Variants in MOB2 observed in about 807,000 individuals in gnomAD.
The protein encoded by MOB2 is MOB kinase activator 2.
A neutral mutation model predicts 27.4 loss-of-function variants in MOB2; 14 were observed. The observed-to-expected ratio is 0.51, with a 90% confidence interval of 0.34 to 0.80. The LOEUF is 0.80. MOB2 is among the 30% of genes least tolerant of loss of function. The probability of loss-of-function intolerance (pLI) is 0.01; values close to 1 mark genes in which losing one functional copy is unlikely to be tolerated. For synonymous variants in MOB2, 167 were observed against 151.8 expected (o/e 1.10, Z -0.74); for missense variants, 304 against 354.6 (o/e 0.86, Z 1.15).
rs148177178 is a variant in MOB2, at chr11:1,473,710, C to G, written c.366-2291G>C. Among the ~76,000 whole-genome samples the G allele has an allele frequency of 3.5e-4, 53 of 152,364 alleles. No individual in the cohort carries two copies. The East Asian group carries it at 9.8e-3, about 28-fold the overall frequency. On this transcript the variant is annotated intron_variant, in intron 3 of 4. Coordinates refer to ENST00000329957, the MANE Select transcript of MOB2 (RefSeq NM_001172223.3). ...TCTGAAAGATGGAACACCACTGTTT[C>G]CTGTACTTCTTCAATTATCAGTAAA...
intron 3 of MOB2, among the ~76,000 whole-genome samples, chr11:1,479,478 G>C (rs1334514281): frequency 6.6e-6 from 1 of 152,198 alleles, no homozygotes; most frequent in Non-Finnish European, 1.5e-5. Flanking sequence ...TACCTGCCCC[G>C]GTGTCACCCA....
intron 3 of MOB2, among the ~76,000 whole-genome samples, chr11:1,476,958 A>C (rs1346877351): frequency 6.6e-6 from 1 of 152,062 alleles, no homozygotes; most frequent in East Asian, 1.9e-4. Flanking sequence ...TATGGTTTTG[A>C]TTTTTTAAAA....
intron 3 of MOB2, among the ~76,000 whole-genome samples, chr11:1,477,294 T>C (rs1006362414): frequency 1.1e-4 from 17 of 152,210 alleles, no homozygotes; most frequent in Admixed American, 9.2e-4. Flanking sequence ...AACCTTCTTA[T>C]TCCTGGTCAC....
At chr11:1,485,457 G>C (rs991069771) in intron 1 of MOB2, among the ~76,000 whole-genome samples, 3 of 152,230 alleles carry the variant, frequency 2.0e-5, no homozygotes, top group Non-Finnish European at 2.9e-5. Flanking sequence ...CGGCACTCTT[G>C]TGTCTACTTG....
intron 1 of MOB2, among the ~76,000 whole-genome samples, chr11:1,481,784 C>T (rs1394458562): frequency 6.6e-6 from 1 of 150,952 alleles, no homozygotes; most frequent in African/African-American, 2.5e-5. Context: ...GGGCAGGGCC[C>T]CTGGGCCCTG....
At chr11:1,485,935 C>T (rs1847965203) in intron 1 of MOB2, among the ~76,000 whole-genome samples, 1 of 152,276 alleles carries the variant, frequency 6.6e-6, no homozygotes, top group Admixed American at 6.5e-5. Context: ...CACCCGGGAA[C>T]CCCATGCCAC....
In MOB2 at chr11:1,480,705, GC is replaced by G; in HGVS notation, c.271+19del. 10 of 1,595,026 alleles carry G rather than the reference GC, an allele frequency of 6.3e-6. No individual in the cohort carries two copies. The highest frequency in any genetic ancestry group is 1.1e-5 in the South Asian group (1 of 88,610). ...GGAGCAGGGAGGAGGGAGGGGGCCC[GC>G]CCCCAGGCCCCCGCGCACTGTTGCT... On this transcript the variant is annotated intron_variant, in intron 2 of 4. Transcript: ENST00000329957.
At chr11:1,479,011 C>G (rs1446819404) in intron 3 of MOB2, among the ~76,000 whole-genome samples, 1 of 152,260 alleles carries the variant, frequency 6.6e-6, no homozygotes, top group East Asian at 1.9e-4. Flanking sequence ...TCACACACAT[C>G]TACTACCACC....
At position 1,480,178 on chromosome 11, in the gene MOB2, C is replaced by A. The variant is rs1453043718; in HGVS notation, c.365+215G>T. Among the ~76,000 whole-genome samples, 4 of 152,234 alleles carry A rather than the reference C, an allele frequency of 2.6e-5. No homozygotes were observed. The East Asian group carries it at 7.7e-4, about 29-fold the overall frequency. On this transcript the variant is annotated intron_variant, in intron 3 of 4. Coordinates refer to ENST00000329957, the MANE Select transcript of MOB2 (RefSeq NM_001172223.3). ...CATCAACCCCCACCAGCTCCTGCAC[C>A]TTCTGGGCCCCACTGGGGACCTGGG...
At chr11:1,479,698 C>T (rs1278992293) in intron 3 of MOB2, among the ~76,000 whole-genome samples, 9 of 152,252 alleles carry the variant, frequency 5.9e-5, no homozygotes. Flanking sequence ...CACTCACAGG[C>T]ACACATTCTG....
At chr11:1,478,427 C>T (rs1847875525) in intron 3 of MOB2, among the ~76,000 whole-genome samples, 1 of 152,258 alleles carries the variant, frequency 6.6e-6, no homozygotes, top group South Asian at 2.1e-4. Flanking sequence ...TGGACACTGA[C>T]TGGATGTGGA....
chr11:1,484,729 T>C (rs929524295), intron 1 of MOB2, among the ~76,000 whole-genome samples: 9 of 152,148 alleles, frequency 5.9e-5, no homozygotes, highest in African/African-American at 1.9e-4. Flanking sequence ...CACCGTGTTC[T>C]AACCCGAGTT....
chr11:1,471,366 T>C lies in MOB2; in HGVS notation c.419A>G (p.Gln140Arg), dbSNP rs1469811199. The change falls in exon 4 of 5, where the codon CAG becomes CGG. Residue 140 changes from glutamine (Q) to arginine (R), a missense_variant. Physicochemically the swap from Gln to Arg is conservative, Grantham distance 43. Transcript: ENST00000329957. ...GGAGCTCATGACGAAGTCAACGTAC[T>C]GTGGGGCCGTGCACTTGACCTTCTT... ...RGKKVKCTAPQYVDFVMSSVQ... is the reference protein window; with the variant it reads ...RGKKVKCTAPRYVDFVMSSVQ... The C allele has an allele frequency of 1.9e-6, 3 of 1,613,448 alleles. No individual in the cohort carries two copies. The highest frequency in any genetic ancestry group is 1.7e-5 in the Admixed American group (1 of 60,000).
intron 1 of MOB2, among the ~76,000 whole-genome samples, chr11:1,485,934 A>G (rs1847965174): frequency 6.6e-6 from 1 of 152,194 alleles, no homozygotes; most frequent in Non-Finnish European, 1.5e-5. Flanking sequence ...GCACCCGGGA[A>G]CCCCATGCCA....
At chr11:1,480,247 T>G (rs1590765733) in intron 3 of MOB2, 146 bp downstream of exon 3, 1 of 695,014 alleles carries the variant, frequency 1.4e-6, no homozygotes, top group East Asian at 2.8e-5. Context: ...CACAGGAAGG[T>G]GGATGTTGTG....
chr11:1,480,420 G>A lies in MOB2; in HGVS notation c.338C>T (p.Thr113Met), dbSNP rs1480063929. ...STISEFCTGE[T>M]CQTMAVCNTQ... ...GTTGCACACGGCCATCGTCTGACAC[G>A]TCTCTCCTGTGCAGAACTCGGAGAT... The change falls in exon 3 of 5, where the codon ACG becomes ATG. Residue 113 changes from threonine to methionine, a missense_variant. Coordinates refer to ENST00000329957, the MANE Select transcript of MOB2 (RefSeq NM_001172223.3). 3.1e-6 allele frequency: 5 copies of A among 1,613,766 alleles called. No individual in the cohort carries two copies. The highest frequency in any genetic ancestry group is 2.2e-5 in the East Asian group (1 of 44,884).
intron 3 of MOB2, among the ~76,000 whole-genome samples, chr11:1,474,831 C>A (rs933064218): frequency 6.6e-6 from 1 of 152,262 alleles, no homozygotes; most frequent in African/African-American, 2.4e-5. Context: ...CAACACTGCA[C>A]ACTGTCTTAA....
At position 1,469,958 on chromosome 11, in the gene MOB2, T is replaced by C. The variant is rs368618174; in HGVS notation, c.*214A>G. On this transcript the variant is annotated 3_prime_UTR_variant, in exon 5 of 5. Coordinates refer to ENST00000329957, the MANE Select transcript of MOB2 (RefSeq NM_001172223.3). ...ACGAGTGAATGGGCCCAAAGGCTCT[T>C]CTCTACAAACGGCACGCATCCATCC... 5.7e-5 allele frequency: 68 copies of C among 1,200,454 alleles called. No individual in the cohort carries two copies. The African/African-American group carries it at 9.0e-4, about 16-fold the overall frequency. 74.4% of individuals were successfully genotyped at this position (1,200,454 alleles called of 1,614,324 possible).
Position 1,486,342 on chromosome 11 carries a change from G to A in MOB2, c.110+105C>T, listed in dbSNP as rs1337522620. On this transcript the variant is annotated intron_variant, in intron 1 of 4. Transcript: ENST00000329957. ...CCGGCCACACTGGGAGGGCAGCCAC[G>A]GACACAGTCCGCCGCCTCCCCACCC... 28 of 859,062 alleles carry A rather than the reference G, an allele frequency of 3.3e-5. 1 individual carries two copies. The Admixed American group carries it at 3.6e-4, about 11-fold the overall frequency. The allele number at this position is 859,062 out of a possible 1,614,324, so 53.2% of individuals were successfully genotyped here.
Sources: gnomAD v4.1 joint callset for allele counts (sites outside exome capture counted in the v4.1 genomes callset) on GRCh38, gnomAD v4.1.1 for gene constraint, MANE v1.5 for transcripts, NCBI Gene and HGNC (gene_info 2026-07-23, HGNC 2026-07-21) for gene names.